The following AKAP6 variants were observed in gnomAD, a reference collection of about 807,000 sequenced individuals.
The protein encoded by AKAP6 is A-kinase anchoring protein 6, also known as A-kinase anchor protein 6.
A neutral mutation model predicts 188.5 loss-of-function variants in AKAP6; 58 were observed. The observed-to-expected ratio is 0.31, with a 90% CI of 0.25 to 0.38. The LOEUF is 0.38. AKAP6 is among the 10% of genes least tolerant of loss of function. AKAP6 has a pLI of 1.00. For synonymous variants in AKAP6, 989 were observed against 998.6 expected, an observed-to-expected ratio of 0.99 and a Z score of 0.18; for missense variants, 2,710 against 2,740.0, an observed-to-expected ratio of 0.99 and a Z score of 0.24.
At chr14:32,623,218 T>C (rs1886884594) in intron 7 of AKAP6, among the ~76,000 whole-genome samples, 1 of 152,150 alleles carries the variant, frequency 6.6e-6, no homozygotes. Context: ...AAATATGTTT[T>C]CAATATTTGT....
intron 5 of AKAP6, among the ~76,000 whole-genome samples, chr14:32,586,207 TAAAG>T (rs536195981): frequency 2.1e-4 from 32 of 152,284 alleles, no homozygotes; most frequent in African/African-American, 7.2e-4. Context: ...ATTAAAAAAT[TAAAG>T]AAAGGGAGTA....
intron 8 of AKAP6, among the ~76,000 whole-genome samples, chr14:32,694,157 C>G (rs773923874): frequency 1.3e-5 from 2 of 151,880 alleles, no homozygotes; most frequent in African/African-American, 2.4e-5. Flanking sequence ...GTCAGGAGAT[C>G]GACACCATCC....
intron 8 of AKAP6, among the ~76,000 whole-genome samples, chr14:32,689,374 G>A (rs1594850081): frequency 6.6e-6 from 1 of 152,040 alleles, no homozygotes; most frequent in African/African-American, 2.4e-5. Flanking sequence ...GATGGTCCAC[G>A]AGAAAGTGGG....
At chr14:32,429,205 T>C (rs1890136370) in intron 1 of AKAP6, among the ~76,000 whole-genome samples, 1 of 152,288 alleles carries the variant, frequency 6.6e-6, no homozygotes, top group East Asian at 1.9e-4. Flanking sequence ...GTCTAAGCTT[T>C]TAAAAAAATG....
chr14:32,737,715 A>C lies in AKAP6; in HGVS notation c.3372+1833A>C, dbSNP rs543223567. ...TAGCTTTATGATTCTTTATCCTATA[A>C]ATCCTCAGCCTTTTAACATAACTGA... On this transcript the variant is annotated intron_variant, in intron 11 of 13. Coordinates refer to ENST00000280979, the MANE Select transcript of AKAP6 (RefSeq NM_004274.5). Among the ~76,000 whole-genome samples the C allele has an allele frequency of 3.3e-5, 5 of 152,274 alleles. No homozygotes were observed. In the East Asian group the frequency reaches 9.7e-4, roughly 29 times the overall value.
At chr14:32,415,714 A>G (rs2138662370) in intron 1 of AKAP6, among the ~76,000 whole-genome samples, 1 of 152,226 alleles carries the variant, frequency 6.6e-6, no homozygotes, top group African/African-American at 2.4e-5. Flanking sequence ...AGCCCCTGGA[A>G]ACCACAATTT....
At chr14:32,813,396 C>T (rs578048778) in intron 12 of AKAP6, among the ~76,000 whole-genome samples, 4 of 121,808 alleles carry the variant, frequency 3.3e-5, no homozygotes, top group Non-Finnish European at 5.1e-5. Context: ...CCTACCCCCC[C>T]CCCCAACCCC....
intron 9 of AKAP6, among the ~76,000 whole-genome samples, chr14:32,697,455 A>G (rs985860995): frequency 4.6e-5 from 7 of 152,198 alleles, no homozygotes; most frequent in African/African-American, 1.7e-4. Flanking sequence ...AACCTAATTT[A>G]ACAAAAACTA....
rs141477089 is a variant in AKAP6 at position 32,573,598 on chromosome 14, G to A, written c.2347-3522G>A. Among the ~76,000 whole-genome samples the A allele has an allele frequency of 5.7e-4, 87 of 152,042 alleles. 1 individual carries two copies. Among genetic ancestry groups the A allele is most frequent in the South Asian group, 2.1e-3 (10 of 4,776 alleles). On this transcript the variant is annotated intron_variant, in intron 4 of 13. Transcript: ENST00000280979. The stretch of plus-strand genomic sequence containing the variant: ...TTTTGCCACAATGATATTTATCTTT[G>A]TATTTTCAGCAATGTCTAGTAGTGT...
At chr14:32,599,383 G>T (rs781731418) in intron 5 of AKAP6, 27 bp from the exon 6 acceptor site, 1 of 1,590,704 alleles carries the variant, frequency 6.3e-7, no homozygotes, top group Non-Finnish European at 8.6e-7. Flanking sequence ...CCTTGCCAGG[G>T]TTTAATGTTC....
chr14:32,723,940 G>A (rs543866763), intron 9 of AKAP6, among the ~76,000 whole-genome samples: 2 of 152,270 alleles, frequency 1.3e-5, no homozygotes, highest in East Asian at 3.9e-4. Flanking sequence ...ACTGACTTAT[G>A]AGAGCATATT....
intron 1 of AKAP6, among the ~76,000 whole-genome samples, chr14:32,332,358 A>C (rs561340691): frequency 6.6e-6 from 1 of 152,060 alleles, no homozygotes; most frequent in Non-Finnish European, 1.5e-5. Flanking sequence ...TCATATGTAG[A>C]ATGAAATGTC....
intron 2 of AKAP6, among the ~76,000 whole-genome samples, chr14:32,516,234 C>T (rs953888358): frequency 2.6e-5 from 4 of 152,212 alleles, no homozygotes; most frequent in Non-Finnish European, 4.4e-5. Flanking sequence ...GGTATGCCTT[C>T]TAAAACCAAA....
At chr14:32,554,491 T>C (rs1235678441) in intron 4 of AKAP6, among the ~76,000 whole-genome samples, 1 of 152,232 alleles carries the variant, frequency 6.6e-6, no homozygotes, top group Non-Finnish European at 1.5e-5. Flanking sequence ...AGGGTCATAA[T>C]GCTGCAAAGT....
At chr14:32,727,472 ATCT>A (rs1430986197) in intron 9 of AKAP6, among the ~76,000 whole-genome samples, 1 of 152,138 alleles carries the variant, frequency 6.6e-6, no homozygotes, top group Non-Finnish European at 1.5e-5. Context: ...TTGTTTTATG[ATCT>A]TCTATTAGGG....
At chr14:32,798,954 A>G (rs2033856803) in intron 12 of AKAP6, among the ~76,000 whole-genome samples, 1 of 152,224 alleles carries the variant, frequency 6.6e-6, no homozygotes, top group South Asian at 2.1e-4. Context: ...ACTGTTTTGA[A>G]CAGCTGCTGC....
intron 2 of AKAP6, among the ~76,000 whole-genome samples, chr14:32,453,722 G>T (rs1034037478): frequency 6.7e-6 from 1 of 148,808 alleles, no homozygotes; most frequent in Non-Finnish European, 1.5e-5. Context: ...TCAGCCTCCC[G>T]AGTAGCTGGG....
intron 1 of AKAP6, among the ~76,000 whole-genome samples, chr14:32,431,198 A>G (rs529421742): frequency 1.4e-4 from 21 of 151,644 alleles, no homozygotes; most frequent in Non-Finnish European, 2.8e-4. Context: ...CTGGAGTTTT[A>G]TCCCTCTCAG....
intron 8 of AKAP6, 120 bp from the exon 9 acceptor site, chr14:32,695,870 C>CT: frequency 8.0e-7 from 1 of 1,253,610 alleles, no homozygotes; most frequent in Non-Finnish European, 1.1e-6. Context: ...GAAATTTTCT[C>CT]TTCTCTTATT....
Sources: gnomAD v4.1 joint callset for allele counts (sites outside exome capture counted in the v4.1 genomes callset) on GRCh38, gnomAD v4.1.1 for gene constraint, MANE v1.5 for transcripts, NCBI Gene and HGNC (gene_info 2026-07-23, HGNC 2026-07-21) for gene names.